Variants in SH3PXD2B observed in about 807,000 individuals in gnomAD.
The protein encoded by SH3PXD2B is SH3 and PX domains 2B.
Under a neutral mutation model 73.1 loss-of-function variants are expected in SH3PXD2B, and 37 were observed. That is an observed-to-expected ratio of 0.51 (90% CI 0.39 to 0.67). The LOEUF (loss-of-function observed/expected upper bound fraction) is 0.67, where lower values mean the gene tolerates loss of function less well. SH3PXD2B is among the 30% of genes least tolerant of loss of function. SH3PXD2B has a pLI of 0.00. For synonymous variants in SH3PXD2B, 457 were observed against 480.5 expected (o/e 0.95, Z 0.64); for missense variants, 1,053 against 1,197.8 (o/e 0.88, Z 1.78).
intron 4 of SH3PXD2B, among the ~76,000 whole-genome samples, chr5:172,392,589 T>C (rs1470946266): frequency 6.7e-6 from 1 of 148,420 alleles, no homozygotes; most frequent in African/African-American, 2.5e-5. Context: ...CTGGCCAACA[T>C]ATAGTGTAAC....
intron 2 of SH3PXD2B, among the ~76,000 whole-genome samples, chr5:172,407,150 C>T (rs892772919): frequency 8.5e-5 from 13 of 152,202 alleles, no homozygotes; most frequent in Middle Eastern, 3.2e-3. Flanking sequence ...GCCATAAGGA[C>T]ACTGACTTGC....
At chr5:172,434,782 G>GTTTTTGTTTTTTTTTTTTTTTT (rs1554087271) in intron 1 of SH3PXD2B, among the ~76,000 whole-genome samples, 4 of 66,338 alleles carry the variant, frequency 6.0e-5, no homozygotes, top group African/African-American at 1.8e-4. Context: ...ATGGCCAATG[G>GTTTTTGTTTTTTTTTTTTTTTT]TTTTTTTTTT....
chr5:172,432,557 G>C (rs990425511), intron 1 of SH3PXD2B, among the ~76,000 whole-genome samples: 2 of 152,122 alleles, frequency 1.3e-5, no homozygotes, highest in Non-Finnish European at 2.9e-5. Flanking sequence ...AAAGTGCTTC[G>C]AGTATCGCTT....
intron 7 of SH3PXD2B, among the ~76,000 whole-genome samples, chr5:172,362,058 G>A (rs977217930): frequency 6.6e-5 from 10 of 152,324 alleles, no homozygotes; most frequent in African/African-American, 2.4e-4. Flanking sequence ...GAAGGCAAAC[G>A]GGAAGGAAAC....
intron 1 of SH3PXD2B, among the ~76,000 whole-genome samples, chr5:172,439,286 A>C (rs1368906482): frequency 1.2e-4 from 10 of 84,006 alleles, no homozygotes; most frequent in East Asian, 5.4e-4. Context: ...CAAAACAAAA[A>C]AAAAACCCCA....
chr5:172,450,519 T>C (rs1759771623), intron 1 of SH3PXD2B, among the ~76,000 whole-genome samples: 1 of 152,112 alleles, frequency 6.6e-6, no homozygotes, highest in Non-Finnish European at 1.5e-5. Flanking sequence ...ATATACCCAT[T>C]TGAAAGGGAC....
downstream of SH3PXD2B, among the ~76,000 whole-genome samples, chr5:172,329,935 G>A (rs1561884875): frequency 1.3e-5 from 2 of 152,166 alleles, no homozygotes. Context: ...AAAGGAAAAC[G>A]TGTTTAGGAG....
At chr5:172,419,665 G>C (rs1758912347) in intron 2 of SH3PXD2B, among the ~76,000 whole-genome samples, 2 of 152,164 alleles carry the variant, frequency 1.3e-5, no homozygotes, top group South Asian at 4.1e-4. Flanking sequence ...TGCGAGGCTG[G>C]CTGCATTTTC....
Position 172,368,686 on chromosome 5 carries a change from T to TTATATATATATATAATATATATGTTA in SH3PXD2B, c.427+5103_427+5104insTAACATATATATTATATATATATATA, listed in dbSNP as rs1554137079. Among the ~76,000 whole-genome samples, 2 of 24,764 alleles carry TTATATATATATATAATATATATGTTA rather than the reference T, an allele frequency of 8.1e-5. 1 individual carries two copies. The highest frequency in any genetic ancestry group is 5.4e-4 in the African/African-American group (2 of 3,676). The allele number at this position is 24,764 out of a possible 152,430, so 16.2% of individuals were successfully genotyped here. A position where few individuals can be genotyped will look rare whatever the true frequency, so the allele number is the denominator to read the frequency against. ...ATTATATATATATAAAATATATATG[T>TTATATATATATATAATATATATGTTA]TATATATATAAAATATATATATATT... is the stretch of plus-strand genomic sequence containing the variant. On this transcript the variant is annotated intron_variant, in intron 6 of 12. Transcript: ENST00000311601.
intron 3 of SH3PXD2B, 32 bp downstream of exon 3, chr5:172,406,245 T>C (rs751157105): frequency 6.2e-7 from 1 of 1,610,558 alleles, no homozygotes; most frequent in Non-Finnish European, 8.5e-7. Context: ...GAGCCCCCAG[T>C]GTCCCAGTCT....
Position 172,336,278 on chromosome 5 carries a change from A to C in SH3PXD2B, c.*2091T>G, listed in dbSNP as rs561634203. 1.6e-4 allele frequency: 153 copies of C among 985,416 alleles called. No homozygotes were observed. Among genetic ancestry groups the C allele is most frequent in the Non-Finnish European group, 1.8e-4 (152 of 829,960 alleles). 61.0% of individuals were successfully genotyped at this position (985,416 alleles called of 1,614,324 possible). ...AAGTTGTTTAAACCAAAGTGGATCA[A>C]GAACTCAGGAAAACTGCCATGGGGC... On this transcript the variant is annotated 3_prime_UTR_variant, in exon 13 of 13. Transcript: ENST00000311601.
chr5:172,416,548 G>A (rs552986841), intron 2 of SH3PXD2B, among the ~76,000 whole-genome samples: 19 of 150,780 alleles, frequency 1.3e-4, no homozygotes, highest in African/African-American at 4.6e-4. Flanking sequence ...GGCTGGTATC[G>A]AACTCCTGAC....
intron 1 of SH3PXD2B, among the ~76,000 whole-genome samples, chr5:172,426,464 C>T (rs1328579913): frequency 2.0e-5 from 3 of 152,248 alleles, no homozygotes; most frequent in Non-Finnish European, 2.9e-5. Context: ...ACACCTGGCA[C>T]GCACTAGGAG....
rs377255811 is a variant in SH3PXD2B, at chr5:172,335,111, C to T, written c.*3258G>A. 4 of 986,118 alleles carry T rather than the reference C, an allele frequency of 4.1e-6. No individual in the cohort carries two copies. In the South Asian group the frequency reaches 1.4e-4, roughly 35 times the overall value. 61.1% of individuals were successfully genotyped at this position (986,118 alleles called of 1,614,324 possible). Reference sequence around the variant, plus strand: ...CCGAGCAGAACATGTGAGCAAAGGCCTCTTTTATCAAGAGGTGGTCTTAGA... The same window carrying T: ...CCGAGCAGAACATGTGAGCAAAGGCTTCTTTTATCAAGAGGTGGTCTTAGA... On this transcript the variant is annotated 3_prime_UTR_variant, in exon 13 of 13. Transcript: ENST00000311601.
intron 2 of SH3PXD2B, among the ~76,000 whole-genome samples, chr5:172,414,513 G>A (rs1415351724): frequency 2.0e-5 from 3 of 149,846 alleles, no homozygotes; most frequent in Non-Finnish European, 4.4e-5. Flanking sequence ...TAGCTCAATG[G>A]AAACTGGAAA....
intron 1 of SH3PXD2B, among the ~76,000 whole-genome samples, chr5:172,434,782 G>GTTTTTGTTTTTTTGTTT (rs1554087271): frequency 1.5e-4 from 10 of 66,350 alleles, no homozygotes; most frequent in African/African-American, 4.6e-4. Flanking sequence ...ATGGCCAATG[G>GTTTTTGTTTTTTTGTTT]TTTTTTTTTT....
At chr5:172,428,240 A>C (rs1759148086) in intron 1 of SH3PXD2B, among the ~76,000 whole-genome samples, 1 of 152,222 alleles carries the variant, frequency 6.6e-6, no homozygotes, top group South Asian at 2.1e-4. Flanking sequence ...TCTTGGTTGT[A>C]AGGAAACAAC....
chr5:172,383,991 C>T (rs1003468542), intron 4 of SH3PXD2B, among the ~76,000 whole-genome samples: 10 of 152,076 alleles, frequency 6.6e-5, no homozygotes, highest in East Asian at 1.9e-4. Context: ...GGATTACAGG[C>T]GCACGCCACC....
At chr5:172,383,790 G>A (rs184964231) in intron 4 of SH3PXD2B, among the ~76,000 whole-genome samples, 12 of 152,240 alleles carry the variant, frequency 7.9e-5, no homozygotes, top group Admixed American at 3.3e-4. Context: ...TCACCATGCT[G>A]AGCCTGAGTC....
Sources: gnomAD v4.1 joint callset for allele counts (sites outside exome capture counted in the v4.1 genomes callset) on GRCh38, gnomAD v4.1.1 for gene constraint, MANE v1.5 for transcripts, NCBI Gene and HGNC (gene_info 2026-07-23, HGNC 2026-07-21) for gene names.